Variants in ARG2 observed in about 807,000 individuals in gnomAD.
ARG2 encodes arginase 2.
In ARG2, 21 loss-of-function variants were observed where a neutral mutation model predicts 39.4. The ratio of observed to expected loss-of-function variants is 0.53; its 90% confidence interval spans 0.38 to 0.77. The LOEUF is 0.77. ARG2 is among the 30% of genes least tolerant of loss of function. The probability of loss-of-function intolerance (pLI) is 0.00; values close to 1 mark genes in which losing one functional copy is unlikely to be tolerated. For synonymous variants in ARG2, 150 were observed against 156.7 expected, an observed-to-expected ratio of 0.96 and a Z score of 0.32; for missense variants, 378 against 426.2, an observed-to-expected ratio of 0.89 and a Z score of 1.00.
At chr14:67,637,505 T>TA (rs751382604) in intron 2 of ARG2, among the ~76,000 whole-genome samples, 83 of 150,500 alleles carry the variant, frequency 5.5e-4, no homozygotes, top group East Asian at 5.3e-3. Flanking sequence ...TCACTCCTCT[T>TA]AAAAAAAAAC....
chr14:67,651,394 G>A lies in ARG2; in HGVS notation c.*474G>A, dbSNP rs1286836153. The A allele has an allele frequency of 6.2e-7, 1 of 1,613,870 alleles. No homozygotes were observed. Among genetic ancestry groups the A allele is most frequent in the Non-Finnish European group, 8.5e-7 (1 of 1,179,798 alleles). On this transcript the variant is annotated 3_prime_UTR_variant, in exon 8 of 8. Coordinates refer to ENST00000261783, the MANE Select transcript of ARG2 (RefSeq NM_001172.4). ...CCTTCCCTATAGAAGTTCAATGGCT[G>A]CGAAAGAATTTGTAGTAAACCAGGC...
At chr14:67,621,934 T>TA (rs911737947) in intron 2 of ARG2, among the ~76,000 whole-genome samples, 6 of 151,822 alleles carry the variant, frequency 4.0e-5, no homozygotes, top group Admixed American at 1.3e-4. Context: ...CCTTCTCTAC[T>TA]AAAAATACAA....
At position 67,623,845 on chromosome 14, in the gene ARG2, T is replaced by C. The variant is rs527710827; in HGVS notation, c.184+2879T>C. ...GAGTGAGCCACTGCTCCCAGCCACC[T>C]TTTATTTTTCTTTGAGAGAGGGTCT... On this transcript the variant is annotated intron_variant, in intron 2 of 7. Transcript: ENST00000261783. 1.7e-3 allele frequency among the ~76,000 whole-genome samples: 264 copies of C among 152,160 alleles called. 14 individuals carry two copies. In the South Asian group the frequency reaches 0.054, roughly 31 times the overall value.
At chr14:67,639,910 G>GC (rs2037012165) in intron 2 of ARG2, among the ~76,000 whole-genome samples, 1 of 122,824 alleles carries the variant, frequency 8.1e-6, no homozygotes, top group African/African-American at 3.2e-5. Context: ...GCATGATAGC[G>GC]CAAGACCCTG....
At chr14:67,640,926 T>C (rs1382207342) in intron 2 of ARG2, among the ~76,000 whole-genome samples, 9 of 152,156 alleles carry the variant, frequency 5.9e-5, no homozygotes, top group Non-Finnish European at 1.3e-4. Context: ...TGTTCCAAAA[T>C]CTGAAACTTT....
intron 3 of ARG2, among the ~76,000 whole-genome samples, chr14:67,643,729 C>T (rs983708536): frequency 6.6e-6 from 1 of 152,008 alleles, no homozygotes; most frequent in Non-Finnish European, 1.5e-5. Context: ...AGCTGGGATT[C>T]AAATCCAGTG....
intron 3 of ARG2, among the ~76,000 whole-genome samples, chr14:67,643,037 A>C (rs937888402): frequency 5.3e-5 from 8 of 152,124 alleles, no homozygotes; most frequent in African/African-American, 1.9e-4. Flanking sequence ...TCCTGAGCTC[A>C]AGCGATCCTT....
intron 2 of ARG2, among the ~76,000 whole-genome samples, chr14:67,635,065 C>T (rs977168213): frequency 2.0e-5 from 3 of 151,638 alleles, no homozygotes; most frequent in African/African-American, 2.4e-5. Context: ...GGTAAAATGG[C>T]GAAATCTTGT....
intron 3 of ARG2, among the ~76,000 whole-genome samples, chr14:67,645,293 T>C (rs1294976483): frequency 6.6e-6 from 1 of 152,090 alleles, no homozygotes; most frequent in African/African-American, 2.4e-5. Context: ...GGATTACAGG[T>C]GTACACCATC....
At chr14:67,635,517 G>A in intron 2 of ARG2, among the ~76,000 whole-genome samples, 1 of 152,148 alleles carries the variant, frequency 6.6e-6, no homozygotes, top group East Asian at 1.9e-4. Context: ...AGTATTTCAA[G>A]TACAAGCTTG....
chr14:67,650,690 G>C, intron 7 of ARG2, 25 bp from the exon 8 acceptor site: 1 of 1,611,086 alleles, frequency 6.2e-7, no homozygotes, highest in Non-Finnish European at 8.5e-7. Context: ...GGAACCTGAG[G>C]TTTTGTCACA....
chr14:67,632,803 TCTTA>T (rs1249390398), intron 2 of ARG2, among the ~76,000 whole-genome samples: 1 of 143,164 alleles, frequency 7.0e-6, no homozygotes, highest in Non-Finnish European at 1.5e-5. Context: ...GAATTAAGCC[TCTTA>T]ATTTTTTTTT....
At chr14:67,628,653 C>T (rs1255721541) in intron 2 of ARG2, among the ~76,000 whole-genome samples, 1 of 152,158 alleles carries the variant, frequency 6.6e-6, no homozygotes, top group Non-Finnish European at 1.5e-5. Flanking sequence ...TTGCTATTAT[C>T]CCATTTTCAT....
At chr14:67,621,002 T>G in intron 2 of ARG2, 36 bp downstream of exon 2, 1 of 1,587,262 alleles carries the variant, frequency 6.3e-7, no homozygotes, top group Non-Finnish European at 8.7e-7. Context: ...AGTGCAGGAC[T>G]AGTAATAGAC....
At chr14:67,644,485 C>T (rs1012416791) in intron 3 of ARG2, among the ~76,000 whole-genome samples, 3 of 152,182 alleles carry the variant, frequency 2.0e-5, no homozygotes, top group African/African-American at 4.8e-5. Flanking sequence ...TGGGACATGG[C>T]ACCTAGAATA....
At chr14:67,634,676 A>T (rs1036376821) in intron 2 of ARG2, among the ~76,000 whole-genome samples, 5 of 152,086 alleles carry the variant, frequency 3.3e-5, no homozygotes, top group Non-Finnish European at 7.4e-5. Context: ...AAACCAGGAC[A>T]TCAGTAGATA....
At position 67,650,906 on chromosome 14, in the gene ARG2, C is replaced by A. The variant is rs112748595; in HGVS notation, c.1051C>A (p.Arg351Ser). Residue 351 changes from arginine (R) to serine (S), a missense_variant, in exon 8 of 8, where the codon CGT becomes AGT. By Grantham distance (110) the Arg-to-Ser change is moderately radical (BLOSUM62 -1). Transcript: ENST00000261783. ...ACCAGATGAATCAGAAAATCAAGCA[C>A]GTGTGAGAATTTAGGAGACACTGTG... The part of the protein sequence containing the change: ...SSPDESENQA[R>S]VRI 3.1e-6 allele frequency: 5 copies of A among 1,614,052 alleles called. No individual in the cohort carries two copies. The South Asian group carries it at 3.3e-5, about 11-fold the overall frequency.
chr14:67,629,340 T>A (rs1292100827), intron 2 of ARG2, among the ~76,000 whole-genome samples: 1 of 152,168 alleles, frequency 6.6e-6, no homozygotes, highest in African/African-American at 2.4e-5. Flanking sequence ...TAAAGCCTCA[T>A]CTGTTTAAGA....
chr14:67,626,587 C>T (rs1201275754), intron 2 of ARG2, among the ~76,000 whole-genome samples: 1 of 152,144 alleles, frequency 6.6e-6, no homozygotes, highest in Non-Finnish European at 1.5e-5. Flanking sequence ...ATCTCGGCCT[C>T]AGCCTTCTGA....
Sources: allele counts gnomAD v4.1 joint callset (sites outside exome capture counted in the v4.1 genomes callset), GRCh38; gene constraint gnomAD v4.1.1; transcripts MANE v1.5; gene names NCBI Gene and HGNC (gene_info 2026-07-23, HGNC 2026-07-21).